CDHR2: variants seen among roughly 807,000 people sequenced by gnomAD.
CDHR2 encodes the protein cadherin-related family member 2.
A neutral mutation model predicts 138.6 loss-of-function variants in CDHR2; 104 were observed. The observed-to-expected ratio is 0.75, with a 90% confidence interval of 0.64 to 0.88. The LOEUF (loss-of-function observed/expected upper bound fraction) is 0.88. Among genes scored for constraint, CDHR2 ranks in the 40% least tolerant of loss-of-function variants. The probability of loss-of-function intolerance (pLI) is 0.00; values close to 1 mark genes in which losing one functional copy is unlikely to be tolerated. For missense variants in CDHR2, 1,624 were observed against 1,727.6 expected, an observed-to-expected ratio of 0.94 and a Z score of 1.06; for synonymous variants, 755 against 742.8, an observed-to-expected ratio of 1.02 and a Z score of -0.27.
chr5:176,587,502 T>A (rs1170666553), intron 21 of CDHR2, among the ~76,000 whole-genome samples: 1 of 152,002 alleles, frequency 6.6e-6, no homozygotes, highest in Admixed American at 6.6e-5. Flanking sequence ...AAAAAGGCTT[T>A]CAGCTGTTTA....
At chr5:176,593,089 A>G (rs1758927922) in intron 31 of CDHR2, among the ~76,000 whole-genome samples, 2 of 152,244 alleles carry the variant, frequency 1.3e-5, no homozygotes, top group Admixed American at 1.3e-4. Context: ...CTTGGCACAA[A>G]CAAGTGCTCA....
rs569802035 is a variant in CDHR2 at position 176,591,227 on chromosome 5, A to G, written c.3557A>G (p.Gln1186Arg). 8 of 1,613,576 alleles carry G rather than the reference A, an allele frequency of 5.0e-6. No homozygotes were observed. Among genetic ancestry groups the G allele is most frequent in the Admixed American group, 1.7e-5 (1 of 60,026 alleles). The change falls in exon 29 of 32, where the codon CAA (glutamine) becomes CGA (arginine). Residue 1186 changes from glutamine (Q) to arginine (R), a missense_variant. Coordinates refer to ENST00000261944, the MANE Select transcript of CDHR2 (RefSeq NM_017675.6). ...CVRKSYNRKL[Q>R]AMKAAKEARK... ...CCCCACAGCTACAACCGGAAGCTTC[A>G]AGCTATGAAGGCTGCCAAGGAGGCC...
rs1256019841 is a variant in CDHR2 at position 176,589,455 on chromosome 5, C to T, written c.3117+17C>T. On this transcript the variant is annotated intron_variant, in intron 23 of 31. Coordinates refer to ENST00000261944, the MANE Select transcript of CDHR2 (RefSeq NM_017675.6). ...ACCCTGAATGTGAGTGCTGGTCCCA[C>T]CTCCAGCCCCCAACGCCCTCTGCCA... is the stretch of plus-strand genomic sequence containing the variant. The T allele has an allele frequency of 1.2e-6, 2 of 1,608,004 alleles. No homozygotes were observed. The highest frequency in any genetic ancestry group is 1.7e-5 in the Admixed American group (1 of 59,914).
At chr5:176,580,528 CA>C (rs35346478) in intron 16 of CDHR2, among the ~76,000 whole-genome samples, 1,129 of 87,398 alleles carry the variant, frequency 0.013, 10 homozygotes, top group African/African-American at 0.041. Context: ...GACTCCACCT[CA>C]AAAAAAAAAA....
intron 20 of CDHR2, 196 bp from the exon 21 acceptor site, chr5:176,586,594 CTGT>C: frequency 1.7e-6 from 1 of 586,916 alleles, no homozygotes; most frequent in East Asian, 2.8e-5. Context: ...TCCTGTGGGC[CTGT>C]GACCTCACCT....
intron 30 of CDHR2, 119 bp from the exon 31 acceptor site, chr5:176,592,595 GTGGTGGTGA>G (rs1758914714): frequency 1.3e-6 from 1 of 742,304 alleles, no homozygotes; most frequent in South Asian, 1.5e-5. Context: ...GATGATGGTG[GTGGTGGTGA>G]TGGTGATGAT....
chr5:176,556,433 G>A (rs1415979059), intron 1 of CDHR2, among the ~76,000 whole-genome samples: 3 of 152,138 alleles, frequency 2.0e-5, no homozygotes, highest in Admixed American at 6.5e-5. Context: ...TTGGGAGGCC[G>A]AGGCGGGCGG....
chr5:176,588,838 C>G (rs975570187), intron 21 of CDHR2, among the ~76,000 whole-genome samples, 193 bp from the exon 22 acceptor site: 4 of 152,110 alleles, frequency 2.6e-5, no homozygotes, highest in African/African-American at 9.7e-5. Flanking sequence ...GGGGCAGGTT[C>G]TTGTCCAAAT....
intron 1 of CDHR2, among the ~76,000 whole-genome samples, chr5:176,556,437 C>T (rs1048695075): frequency 4.6e-5 from 7 of 152,190 alleles, no homozygotes; most frequent in African/African-American, 9.6e-5. Flanking sequence ...GAGGCCGAGG[C>T]GGGCGGATCA....
At position 176,590,099 on chromosome 5, in the gene CDHR2, G is replaced by A; in HGVS notation, c.3228G>A (p.Arg1076=). Residue 1076 remains arginine (R), a synonymous_variant, in exon 25 of 32, where the codon AGG becomes AGA. Coordinates refer to ENST00000261944, the MANE Select transcript of CDHR2 (RefSeq NM_017675.6). ...GCAGGGCTCTTACCCAGGCAACCAG[G>A]ACTACAGTATACATTGTGGACATTC... ...AINAALTQAT[R]TTVYIVDIQD... The A allele has an allele frequency of 1.2e-6, 2 of 1,613,866 alleles. No individual in the cohort carries two copies. The highest frequency in any genetic ancestry group is 8.5e-7 in the Non-Finnish European group (1 of 1,179,966).
At chr5:176,593,864 C>G (rs1758948771) in intron 31 of CDHR2, among the ~76,000 whole-genome samples, 1 of 152,310 alleles carries the variant, frequency 6.6e-6, no homozygotes, top group Non-Finnish European at 1.5e-5. Context: ...GGCACAGAGG[C>G]CTCCGGACAG....
At position 176,575,839 on chromosome 5, in the gene CDHR2, G is replaced by C; in HGVS notation, c.960G>C (p.Thr320=). Residue 320 remains threonine (T), a splice_region_variant and synonymous_variant, in exon 11 of 32, where the codon ACG becomes ACC. Transcript: ENST00000261944. ...ATGAGGAGGTGCAGCTGCAGGTCAC[G>C]GTGAGCAAAGGCCCCACCACCCCTG... ...EADEEVQLQV[T]ATETHLNIYG... The C allele has an allele frequency of 1.9e-6, 3 of 1,547,040 alleles. No individual in the cohort carries two copies. Among genetic ancestry groups the C allele is most frequent in the South Asian group, 2.4e-5 (2 of 83,478 alleles).
At chr5:176,545,029 C>G (rs1757555144), upstream of CDHR2, among the ~76,000 whole-genome samples, 1 of 152,184 alleles carries the variant, frequency 6.6e-6, no homozygotes, top group African/African-American at 2.4e-5. Context: ...GGCAAGCTAA[C>G]GCTTGATTTC....
Position 176,589,104 on chromosome 5 carries a change from A to G in CDHR2, c.2930A>G (p.Asp977Gly), listed in dbSNP as rs570807216. The change falls in exon 22 of 32, where the codon GAC (aspartate) becomes GGC (glycine). Residue 977 changes from aspartate (D) to glycine (G), a missense_variant. Asp to Gly is a moderately conservative substitution (Grantham distance 94). Around this residue, in one of 3 missense-constraint regions of CDHR2, gnomAD observed 556 missense variants for 565.7 expected, o/e 0.98. Coordinates refer to ENST00000261944, the MANE Select transcript of CDHR2 (RefSeq NM_017675.6). ...SILRVDFISK[D>G]GATIPFQGVF... ...CTCCGAGTAGACTTCATCTCTAAGG[A>G]CGGGGCCACCATCCCTTTCCAGGGT... The G allele has an allele frequency of 1.6e-5, 26 of 1,614,018 alleles. No homozygotes were observed. The South Asian group carries it at 2.4e-4, about 15-fold the overall frequency.
intron 1 of CDHR2, among the ~76,000 whole-genome samples, chr5:176,560,361 A>G (rs1476780385): frequency 6.6e-6 from 1 of 151,758 alleles, no homozygotes; most frequent in Admixed American, 6.6e-5. Context: ...GCACTACTGC[A>G]CTCCAGCCTG....
chr5:176,585,771 C>T (rs1170389409), intron 19 of CDHR2, among the ~76,000 whole-genome samples, 183 bp from the exon 20 acceptor site: 1 of 146,426 alleles, frequency 6.8e-6, no homozygotes, highest in Non-Finnish European at 1.5e-5. Flanking sequence ...AGAGAAGCTG[C>T]GGGGCATGGG....
chr5:176,579,909 C>A lies in CDHR2; in HGVS notation c.1818+1301C>A, dbSNP rs77366657. Among the ~76,000 whole-genome samples the A allele has an allele frequency of 6.9e-3, 1,050 of 152,268 alleles. 7 individuals are homozygous for A. Among genetic ancestry groups the A allele is most frequent in the Non-Finnish European group, 0.011 (719 of 68,026 alleles). On this transcript the variant is annotated intron_variant, in intron 16 of 31. Transcript: ENST00000261944. ...AAGAGGGCGTCAGACAGTCACCCAG[C>A]GGTGTCACCTGTGCTATGTTGAGGC... is the stretch of plus-strand genomic sequence containing the variant.
intron 1 of CDHR2, among the ~76,000 whole-genome samples, chr5:176,559,650 C>T (rs1328604376): frequency 1.3e-5 from 2 of 152,128 alleles, no homozygotes; most frequent in Admixed American, 6.6e-5. Flanking sequence ...TCTTATTTTT[C>T]TCTCCTAGTT....
At chr5:176,547,681 GC>G (rs1757615354), upstream of CDHR2, 2 of 152,268 alleles carry the variant, frequency 1.3e-5, no homozygotes, top group Non-Finnish European at 1.5e-5. Context: ...TACTGCTGCA[GC>G]CTCCCAAGTA....
Sources: gnomAD v4.1 joint callset for allele counts (sites outside exome capture counted in the v4.1 genomes callset) on GRCh38, gnomAD v4.1.1 for gene constraint, gnomAD v4.1.1 regional missense constraint, MANE v1.5 for transcripts, NCBI Gene and HGNC (gene_info 2026-07-23, HGNC 2026-07-21) for gene names.